ANKRD40: variants seen among roughly 807,000 people sequenced by gnomAD.
ANKRD40 encodes the protein ankyrin repeat domain-containing protein 40.
In ANKRD40, 24 loss-of-function variants were observed where a neutral mutation model predicts 35.5. The ratio of observed to expected loss-of-function variants is 0.68; its 90% confidence interval spans 0.49 to 0.95. The LOEUF is 0.95. Among genes scored for constraint, ANKRD40 ranks in the 40% least tolerant of loss-of-function variants. The pLI, the probability that ANKRD40 is intolerant of heterozygous loss-of-function variation, is 0.00. For synonymous variants in ANKRD40, 147 were observed against 173.5 expected, an observed-to-expected ratio of 0.85 and a Z score of 1.20; for missense variants, 361 against 436.0, an observed-to-expected ratio of 0.83 and a Z score of 1.53.
chr17:50,699,091 G>A (rs1399896056), intron 3 of ANKRD40, among the ~76,000 whole-genome samples: 6 of 151,918 alleles, frequency 3.9e-5, no homozygotes, highest in Admixed American at 1.3e-4. Context: ...CCTGGGAGGC[G>A]GAGGTTGCAG....
chr17:50,705,251 T>C (rs1968318793), intron 1 of ANKRD40, among the ~76,000 whole-genome samples: 1 of 151,902 alleles, frequency 6.6e-6, no homozygotes, highest in Non-Finnish European at 1.5e-5. Context: ...AAATGAAGCA[T>C]CTCAGGCAAA....
At chr17:50,705,607 C>T (rs1274634132) in intron 1 of ANKRD40, among the ~76,000 whole-genome samples, 2 of 151,886 alleles carry the variant, frequency 1.3e-5, no homozygotes, top group Non-Finnish European at 2.9e-5. Flanking sequence ...CCTTGGCCTC[C>T]CAAAGTGCTG....
chr17:50,707,733 G>C lies in ANKRD40; in HGVS notation c.-79C>G. On this transcript the variant is annotated 5_prime_UTR_variant, in exon 1 of 5. Transcript: ENST00000285243. The surrounding 1 kb of genome is among the most constrained non-coding windows in gnomAD (Gnocchi z 4.8). ...GCCTGTCAGCGCCGCCGCCGTCGCC[G>C]CGGCCCGCTCCCGGCCATGGGGAGG... The C allele has an allele frequency of 9.1e-7, 1 of 1,093,852 alleles. No individual in the cohort carries two copies. Among genetic ancestry groups the C allele is most frequent in the African/African-American group, 1.7e-5 (1 of 60,198 alleles). 67.8% of individuals were successfully genotyped at this position (1,093,852 alleles called of 1,614,324 possible).
In ANKRD40 at chr17:50,707,651, T is replaced by A. The variant is rs146954333; in HGVS notation, c.4A>T (p.Asn2Tyr). 1.9e-6 allele frequency: 3 copies of A among 1,560,822 alleles called. No individual in the cohort carries two copies. The African/African-American group carries it at 4.2e-5, about 22-fold the overall frequency. The change falls in exon 1 of 5, where the codon AAC (asparagine) becomes TAC (tyrosine). Residue 2 changes from asparagine (N) to tyrosine (Y), a missense_variant. This residue lies in a region of ANKRD40 where 56 missense variants were observed against 47.1 expected (regional missense o/e 1.19). Coordinates refer to ENST00000285243, the MANE Select transcript of ANKRD40 (RefSeq NM_052855.4). The surrounding 1 kb of genome is among the most constrained non-coding windows in gnomAD (Gnocchi z 4.8). ...TGCTCCTTCTGCTCTAGGAGGGCGT[T>A]CATCTTCCCACAGCCCCAGGCCCCC... M[N>Y]ALLEQKEQQE...
At chr17:50,696,295 A>C in intron 4 of ANKRD40, 152 bp from the exon 5 acceptor site, 3 of 880,724 alleles carry the variant, frequency 3.4e-6, no homozygotes, top group Non-Finnish European at 5.0e-6. Flanking sequence ...AGTGCAACTA[A>C]GGCCCCAGGA....
Position 50,700,690 on chromosome 17 carries a change from C to T in ANKRD40, c.161G>A (p.Arg54Gln), listed in dbSNP as rs763470156. The T allele has an allele frequency of 5.6e-6, 9 of 1,613,694 alleles. No individual in the cohort carries two copies. Among genetic ancestry groups the T allele is most frequent in the South Asian group, 3.3e-5 (3 of 91,072 alleles). Residue 54 changes from arginine (R) to glutamine (Q), a missense_variant, in exon 2 of 5, where the codon CGA (arginine) becomes CAA (glutamine). Arg to Gln is a conservative substitution (Grantham distance 43). Around this residue, in one of 5 missense-constraint regions of ANKRD40, gnomAD observed 35 missense variants for 68.4 expected, o/e 0.51. Coordinates refer to ENST00000285243, the MANE Select transcript of ANKRD40 (RefSeq NM_052855.4). Reference protein sequence around the residue: ...GWTCLHWACKRNHGQVVSYLL... With the variant: ...GWTCLHWACKQNHGQVVSYLL... ...GTAAGAGACCACCTGACCATGGTTTCGTTTACATGCCCAGTGTAAACAAGT... is the reference window on the plus strand; with the variant it reads ...GTAAGAGACCACCTGACCATGGTTTTGTTTACATGCCCAGTGTAAACAAGT...
rs540360624 is a variant in ANKRD40 at position 50,702,606 on chromosome 17, C to T, written c.135-1890G>A. ...AATGAAGCATGATGAGAAAAATATG[C>T]TCCCTTTTGGAAATAAAATGCTCAC... On this transcript the variant is annotated intron_variant, in intron 1 of 4. Coordinates refer to ENST00000285243, the MANE Select transcript of ANKRD40 (RefSeq NM_052855.4). Among the ~76,000 whole-genome samples, 8 of 152,280 alleles carry T rather than the reference C, an allele frequency of 5.3e-5. No individual in the cohort carries two copies. In the East Asian group the frequency reaches 1.3e-3, roughly 26 times the overall value.
At position 50,707,450 on chromosome 17, in the gene ANKRD40, G is replaced by A; in HGVS notation, c.134+71C>T. On this transcript the variant is annotated intron_variant, in intron 1 of 4. Transcript: ENST00000285243. This position sits in a 1 kb window ranked among gnomAD's most constrained non-coding sequence, Gnocchi z 4.8. ...AGCCAGGCGTCCCGCGCTGGGCCCA[G>A]GTCGCGACTGACTGCCCCACGCCTT... is the stretch of plus-strand genomic sequence containing the variant. The A allele has an allele frequency of 6.4e-7, 1 of 1,556,636 alleles. No homozygotes were observed. Among genetic ancestry groups the A allele is most frequent in the African/African-American group, 1.4e-5 (1 of 71,170 alleles).
intron 1 of ANKRD40, among the ~76,000 whole-genome samples, chr17:50,701,431 C>G (rs1194569774): frequency 6.6e-6 from 1 of 152,180 alleles, no homozygotes; most frequent in Non-Finnish European, 1.5e-5. Context: ...TCTTCACGAA[C>G]AGGTTCTTCT....
chr17:50,698,879 C>T (rs1968230794), intron 3 of ANKRD40, among the ~76,000 whole-genome samples: 1 of 151,350 alleles, frequency 6.6e-6, no homozygotes, highest in African/African-American at 2.4e-5. Context: ...GTGATTCACA[C>T]CTATAATCTC....
Position 50,700,736 on chromosome 17 carries a change from G to A in ANKRD40, c.135-20C>T, listed in dbSNP as rs1212007471. ...CAAGTCCTGTACCAAAGAAAATAAT[G>A]ATTGAAAAAGAGGAGAAGTGATTTT... On this transcript the variant is annotated intron_variant, in intron 1 of 4. Coordinates refer to ENST00000285243, the MANE Select transcript of ANKRD40 (RefSeq NM_052855.4). 1.3e-6 allele frequency: 2 copies of A among 1,591,062 alleles called. No individual in the cohort carries two copies. The highest frequency in any genetic ancestry group is 1.8e-5 in the Admixed American group (1 of 56,124).
At position 50,699,579 on chromosome 17, in the gene ANKRD40, G is replaced by T; in HGVS notation, c.598C>A (p.Pro200Thr). 6.2e-7 allele frequency: 1 copy of T among 1,614,198 alleles called. No homozygotes were observed. Among genetic ancestry groups the T allele is most frequent in the East Asian group, 2.2e-5 (1 of 44,882 alleles). The change falls in exon 3 of 5, where the codon CCA becomes ACA. Residue 200 changes from proline to threonine, a missense_variant. Transcript: ENST00000285243. Reference protein sequence around the residue: ...VSAPSAILRTPESTKPGPVCQ... With the variant: ...VSAPSAILRTTESTKPGPVCQ... ...ACAGGACCCGGTTTTGTGCTTTCTG[G>T]TGTTCTGAGTATGGCAGAGGGGGCC...
At chr17:50,701,038 G>GTC (rs1419937981) in intron 1 of ANKRD40, 1 of 193,134 alleles carries the variant, frequency 5.2e-6, no homozygotes, top group African/African-American at 2.4e-5. Context: ...TCGCTCATTA[G>GTC]ATCATCTCAG....
chr17:50,707,548 A>AC lies in ANKRD40; in HGVS notation c.106dup (p.Val36GlyfsTer6). On this transcript the variant is annotated frameshift_variant, in exon 1 of 5. Coordinates refer to ENST00000285243, the MANE Select transcript of ANKRD40 (RefSeq NM_052855.4). LOFTEE classifies it high-confidence loss of function. The surrounding 1 kb of genome is among the most constrained non-coding windows in gnomAD (Gnocchi z 4.8). ...GCCGTTGACCTCATTTTGGGAGTTC[A>AC]CATCCACCCCGCTCTCCACCAGTTT... 1 of 1,607,770 alleles carries AC rather than the reference A, an allele frequency of 6.2e-7. No individual in the cohort carries two copies. Among genetic ancestry groups the AC allele is most frequent in the Non-Finnish European group, 8.5e-7 (1 of 1,176,922 alleles).
At chr17:50,700,347 G>A (rs953333112) in intron 2 of ANKRD40, 7 of 417,132 alleles carry the variant, frequency 1.7e-5, no homozygotes, top group Non-Finnish European at 3.0e-5. Flanking sequence ...GGAGGCTGAG[G>A]CAGGAGAATC....
chr17:50,707,495 C>T lies in ANKRD40; in HGVS notation c.134+26G>A. 1 of 1,600,834 alleles carries T rather than the reference C, an allele frequency of 6.2e-7. No individual in the cohort carries two copies. The highest frequency in any genetic ancestry group is 1.4e-5 in the African/African-American group (1 of 73,662). ...CGCCTTCCGACCGGCTGCCCTGACC[C>T]TAGGCCTCCCCCGCTCCCCACTTAC... On this transcript the variant is annotated intron_variant, in intron 1 of 4. Coordinates refer to ENST00000285243, the MANE Select transcript of ANKRD40 (RefSeq NM_052855.4). The surrounding 1 kb of genome is among the most constrained non-coding windows in gnomAD (Gnocchi z 4.8).
intron 1 of ANKRD40, among the ~76,000 whole-genome samples, chr17:50,705,812 C>T (rs368862599): frequency 1.6e-3 from 241 of 151,960 alleles, no homozygotes; most frequent in South Asian, 6.9e-3. Context: ...AGGCACACAC[C>T]GCTACCCCTG....
chr17:50,696,637 C>T (rs1056735797), intron 4 of ANKRD40: 3 of 262,120 alleles, frequency 1.1e-5, no homozygotes, highest in Non-Finnish European at 2.1e-5. Context: ...TCCAAAAATG[C>T]CAGTGTGGCT....
At position 50,695,255 on chromosome 17, in the gene ANKRD40, G is replaced by A. The variant is rs183167111; in HGVS notation, c.*742C>T. The A allele has an allele frequency of 1.3e-5, 2 of 152,460 alleles. No homozygotes were observed. Among genetic ancestry groups the A allele is most frequent in the East Asian group, 3.9e-4 (2 of 5,176 alleles). The allele number at this position is 152,460 out of a possible 1,614,324, so 9.4% of individuals were successfully genotyped here. A position where few individuals can be genotyped will look rare whatever the true frequency, so the allele number is the denominator to read the frequency against. ...TTGTAAAAAAGCAGTTGTTCTTTTA[G>A]AAGGCATCAGAGAGCCCTCTAGTGA... On this transcript the variant is annotated 3_prime_UTR_variant, in exon 5 of 5. Transcript: ENST00000285243.
Sources: gnomAD v4.1 joint callset for allele counts (sites outside exome capture counted in the v4.1 genomes callset) on GRCh38, gnomAD v4.1.1 for gene constraint, gnomAD v4.1.1 regional missense constraint, Gnocchi (gnomAD v3.1) non-coding constraint, MANE v1.5 for transcripts, NCBI Gene and HGNC (gene_info 2026-07-23, HGNC 2026-07-21) for gene names.